DPP10: variants seen among roughly 807,000 people sequenced by gnomAD.
The protein encoded by DPP10 is inactive dipeptidyl peptidase 10.
DPP10 carries 33 observed loss-of-function variants against 120.9 expected under a neutral mutation model. That is an observed-to-expected ratio of 0.27 (90% CI 0.21 to 0.37). The LOEUF (loss-of-function observed/expected upper bound fraction) is 0.37. Among genes scored for constraint, DPP10 ranks in the 10% least tolerant of loss-of-function variants. DPP10 has a pLI of 1.00. For missense variants in DPP10, 816 were observed against 942.8 expected, an observed-to-expected ratio of 0.87 and a Z score of 1.76; for synonymous variants, 337 against 326.1, an observed-to-expected ratio of 1.03 and a Z score of -0.36.
At chr2:115,836,937 C>T (rs949567958) in intron 24 of DPP10, among the ~76,000 whole-genome samples, 191 bp downstream of exon 24, 2 of 152,146 alleles carry the variant, frequency 1.3e-5, no homozygotes, top group African/African-American at 4.8e-5. Flanking sequence ...GGCTATTCCT[C>T]AAATGGCAGC....
At chr2:114,969,384 T>C (rs1040248161) in intron 1 of DPP10, among the ~76,000 whole-genome samples, 2 of 152,208 alleles carry the variant, frequency 1.3e-5, no homozygotes, top group Non-Finnish European at 2.9e-5. Flanking sequence ...TTTGACAATA[T>C]AAGGTCATTG....
At chr2:114,723,083 C>A (rs962303766) in intron 1 of DPP10, among the ~76,000 whole-genome samples, 9 of 152,156 alleles carry the variant, frequency 5.9e-5, no homozygotes, top group Non-Finnish European at 8.8e-5. Context: ...CAAGTTCTGG[C>A]AGGGACATTC....
intron 1 of DPP10, among the ~76,000 whole-genome samples, chr2:114,629,738 G>T (rs555466796): frequency 1.3e-5 from 2 of 152,258 alleles, no homozygotes; most frequent in Admixed American, 1.3e-4. Flanking sequence ...TCATTAAAAT[G>T]TGTATACCGT....
intron 3 of DPP10, among the ~76,000 whole-genome samples, chr2:115,369,626 C>T (rs1405517779): frequency 6.6e-6 from 1 of 152,010 alleles, no homozygotes; most frequent in Admixed American, 6.6e-5. Context: ...AGAAGTATAA[C>T]AGCGGAAAGA....
chr2:115,621,259 T>G (rs370188533), intron 5 of DPP10, among the ~76,000 whole-genome samples: 9 of 152,232 alleles, frequency 5.9e-5, no homozygotes, highest in Non-Finnish European at 1.3e-4. Flanking sequence ...ACTTAAGTGC[T>G]AGCTTTCAGA....
At chr2:115,121,292 G>C (rs1028313936) in intron 1 of DPP10, among the ~76,000 whole-genome samples, 3 of 152,136 alleles carry the variant, frequency 2.0e-5, no homozygotes, top group African/African-American at 7.2e-5. Flanking sequence ...TTTTCTTTTC[G>C]AGGGAAGTGA....
chr2:114,660,300 CTT>C (rs949466194), intron 1 of DPP10, among the ~76,000 whole-genome samples: 1 of 152,036 alleles, frequency 6.6e-6, no homozygotes, highest in African/African-American at 2.4e-5. Flanking sequence ...AAAAATTACA[CTT>C]TTTTTTCTAA....
chr2:115,419,209 T>C (rs1372893221), intron 3 of DPP10, among the ~76,000 whole-genome samples: 3 of 152,140 alleles, frequency 2.0e-5, no homozygotes, highest in Admixed American at 6.5e-5. Context: ...GCCTGTTAAA[T>C]ACACACATCT....
intron 1 of DPP10, among the ~76,000 whole-genome samples, chr2:115,190,808 C>T (rs1014383841): frequency 1.3e-5 from 2 of 152,214 alleles, no homozygotes; most frequent in South Asian, 2.1e-4. Context: ...TCGCACATAA[C>T]AGTCGCTTTT....
At chr2:115,265,268 C>CATAT (rs55778302) in intron 1 of DPP10, among the ~76,000 whole-genome samples, 17,114 of 142,248 alleles carry the variant, frequency 0.12, 1,080 homozygotes, top group African/African-American at 0.15. Flanking sequence ...CTTTGGATTC[C>CATAT]ATATATATAT....
chr2:114,830,461 G>A (rs1429837717), intron 1 of DPP10, among the ~76,000 whole-genome samples: 1 of 152,152 alleles, frequency 6.6e-6, no homozygotes, highest in Admixed American at 6.5e-5. Flanking sequence ...AAAATGTCAC[G>A]TTCTGTTTAC....
intron 1 of DPP10, among the ~76,000 whole-genome samples, chr2:114,679,023 C>G (rs942069225): frequency 6.6e-5 from 10 of 152,034 alleles, no homozygotes; most frequent in African/African-American, 2.4e-4. Flanking sequence ...CCTCGTTCTG[C>G]TTTAGCGCAC....
At chr2:115,742,399 G>A (rs1677393532) in intron 9 of DPP10, among the ~76,000 whole-genome samples, 1 of 151,986 alleles carries the variant, frequency 6.6e-6, no homozygotes, top group Non-Finnish European at 1.5e-5. Context: ...CCTCAAACCT[G>A]TCATTTTATA....
chr2:115,559,076 C>A (rs1019649470), intron 5 of DPP10, among the ~76,000 whole-genome samples: 3 of 152,170 alleles, frequency 2.0e-5, no homozygotes, highest in Admixed American at 2.0e-4. Flanking sequence ...ATCATTCTAT[C>A]TGAATTTCAA....
chr2:115,229,888 G>A (rs768195608), intron 1 of DPP10, among the ~76,000 whole-genome samples: 7 of 148,550 alleles, frequency 4.7e-5, no homozygotes, highest in Non-Finnish European at 8.9e-5. Flanking sequence ...GCTTAGGATA[G>A]CTTTGGCTAT....
intron 5 of DPP10, among the ~76,000 whole-genome samples, chr2:115,630,766 G>A (rs1381218076): frequency 6.6e-6 from 1 of 152,116 alleles, no homozygotes; most frequent in Non-Finnish European, 1.5e-5. Context: ...CTTGATCATG[G>A]TGGATAAGCT....
rs1385032843 is a variant in DPP10 at position 115,444,057 on chromosome 2, G to A, written c.272-55453G>A. The stretch of plus-strand genomic sequence containing the variant: ...ACATTGCCCCAGGCAATACTCAAAT[G>A]ACTTGCCCTGCCTTTTATCTTATCC... On this transcript the variant is annotated intron_variant, in intron 3 of 25. Transcript: ENST00000410059. Among the ~76,000 whole-genome samples the A allele has an allele frequency of 2.0e-5, 3 of 152,130 alleles. No individual in the cohort carries two copies. In the East Asian group the frequency reaches 5.8e-4, roughly 29 times the overall value.
At chr2:115,468,833 G>A in intron 3 of DPP10, 1 of 433,554 alleles carries the variant, frequency 2.3e-6, no homozygotes, top group Non-Finnish European at 4.5e-6. Flanking sequence ...TATTCAGCAG[G>A]GCTCTGCTGA....
intron 3 of DPP10, among the ~76,000 whole-genome samples, chr2:115,435,293 A>G (rs1031962329): frequency 6.6e-6 from 1 of 151,772 alleles, no homozygotes; most frequent in Non-Finnish European, 1.5e-5. Flanking sequence ...GTACTAATTT[A>G]CATTCCCACC....
Sources: allele counts gnomAD v4.1 joint callset (sites outside exome capture counted in the v4.1 genomes callset), GRCh38; gene constraint gnomAD v4.1.1; transcripts MANE v1.5; gene names NCBI Gene and HGNC (gene_info 2026-07-23, HGNC 2026-07-21).